Variants in SLC9C1 observed in about 807,000 individuals in gnomAD.
SLC9C1 encodes solute carrier family 9 member C1, also known as sodium/hydrogen exchanger 10.
SLC9C1 carries 97 observed loss-of-function variants against 140.9 expected under a neutral mutation model. The ratio of observed to expected loss-of-function variants is 0.69; its 90% CI spans 0.58 to 0.82. The LOEUF (loss-of-function observed/expected upper bound fraction) is 0.82. Among genes scored for constraint, SLC9C1 ranks in the 40% least tolerant of loss-of-function variants. SLC9C1 has a pLI of 0.00. For missense variants in SLC9C1, 1,340 were observed against 1,389.3 expected, an observed-to-expected ratio of 0.96 and a Z score of 0.56; for synonymous variants, 440 against 442.6, an observed-to-expected ratio of 0.99 and a Z score of 0.07.
chr3:112,277,590 C>G lies in SLC9C1; in HGVS notation c.484+105G>C, dbSNP rs112036109. 9.7e-5 allele frequency: 99 copies of G among 1,019,974 alleles called. No homozygotes were observed. The African/African-American group carries it at 1.5e-3, about 16-fold the overall frequency. The allele number at this position is 1,019,974 out of a possible 1,614,324, so 63.2% of individuals were successfully genotyped here. ...TCCTCAACCCCCAATCCCTCACTACCTGACTTCTCACAGTGAAAAGCTACC... is the reference window on the plus strand; with the variant it reads ...TCCTCAACCCCCAATCCCTCACTACGTGACTTCTCACAGTGAAAAGCTACC... On this transcript the variant is annotated intron_variant, in intron 5 of 28. Coordinates refer to ENST00000305815, the MANE Select transcript of SLC9C1 (RefSeq NM_183061.3).
At chr3:112,258,141 C>G (rs1439683988) in intron 10 of SLC9C1, among the ~76,000 whole-genome samples, 1 of 152,172 alleles carries the variant, frequency 6.6e-6, no homozygotes, top group African/African-American at 2.4e-5. Flanking sequence ...GGCAATTCTT[C>G]AAAGAGCTAA....
intron 1 of SLC9C1, among the ~76,000 whole-genome samples, chr3:112,288,042 C>CAAAAAA (rs11462109): frequency 6.1e-5 from 5 of 81,788 alleles, no homozygotes; most frequent in African/African-American, 1.5e-4. Context: ...GACTCCGTCT[C>CAAAAAA]AAAAAAAAAA....
intron 12 of SLC9C1, among the ~76,000 whole-genome samples, chr3:112,238,446 T>C (rs1043283252): frequency 6.6e-6 from 1 of 152,238 alleles, no homozygotes; most frequent in Non-Finnish European, 1.5e-5. Context: ...TGAAGCCTTC[T>C]TCTCTCAACT....
At chr3:112,229,293 CTATTG>C (rs1396693579) in intron 13 of SLC9C1, among the ~76,000 whole-genome samples, 3 of 151,986 alleles carry the variant, frequency 2.0e-5, no homozygotes, top group African/African-American at 7.2e-5. Context: ...AAACACTAAT[CTATTG>C]TATTTTTTCA....
chr3:112,159,325 TC>T (rs1182284546), intron 26 of SLC9C1, among the ~76,000 whole-genome samples: 1 of 152,042 alleles, frequency 6.6e-6, no homozygotes, highest in Non-Finnish European at 1.5e-5. Flanking sequence ...TTTCCAAAGT[TC>T]CTCCTCTGAT....
chr3:112,239,398 C>A (rs907500494), intron 12 of SLC9C1, among the ~76,000 whole-genome samples: 2 of 152,242 alleles, frequency 1.3e-5, no homozygotes, highest in African/African-American at 4.8e-5. Flanking sequence ...ACCCCTTGCG[C>A]TTCCTGCGTG....
intron 14 of SLC9C1, among the ~76,000 whole-genome samples, chr3:112,220,917 G>A (rs548806687): frequency 2.6e-5 from 4 of 152,288 alleles, no homozygotes; most frequent in East Asian, 3.9e-4. Flanking sequence ...AATCACGGAG[G>A]TAAGAATGAA....
At chr3:112,208,151 T>A (rs2078107418) in intron 16 of SLC9C1, 27 bp downstream of exon 16, 3 of 1,542,052 alleles carry the variant, frequency 1.9e-6, no homozygotes, top group Non-Finnish European at 2.6e-6. Context: ...ATATAACACT[T>A]CCATACACAC....
chr3:112,239,732 C>T, intron 12 of SLC9C1, 108 bp downstream of exon 12: 1 of 1,116,482 alleles, frequency 9.0e-7, no homozygotes, highest in Non-Finnish European at 1.2e-6. Flanking sequence ...CATGACTTCT[C>T]TATCAATTAC....
intron 12 of SLC9C1, among the ~76,000 whole-genome samples, chr3:112,237,907 A>G: frequency 6.6e-6 from 1 of 151,928 alleles, no homozygotes; most frequent in Non-Finnish European, 1.5e-5. Flanking sequence ...TTTCATTTCA[A>G]CTTCGGTGAA....
chr3:112,185,988 C>A (rs904159182), intron 20 of SLC9C1: 43 of 1,550,396 alleles, frequency 2.8e-5, no homozygotes, highest in Non-Finnish European at 3.5e-5. Flanking sequence ...GGCTGGGACC[C>A]AGGCCCCGCG....
chr3:112,261,493 A>G (rs1472128885), intron 10 of SLC9C1, among the ~76,000 whole-genome samples: 2 of 152,060 alleles, frequency 1.3e-5, no homozygotes, highest in Non-Finnish European at 2.9e-5. Flanking sequence ...CCAATATAAC[A>G]TAACTTATGA....
At chr3:112,225,186 T>G (rs1388076867) in intron 13 of SLC9C1, among the ~76,000 whole-genome samples, 1 of 152,122 alleles carries the variant, frequency 6.6e-6, no homozygotes, top group Non-Finnish European at 1.5e-5. Flanking sequence ...TCAGCATATT[T>G]CTCAGCAGAA....
chr3:112,148,654 T>TTAGG (rs1189486598), intron 28 of SLC9C1, among the ~76,000 whole-genome samples: 2 of 152,244 alleles, frequency 1.3e-5, no homozygotes, highest in African/African-American at 4.8e-5. Flanking sequence ...GCCAATGTGT[T>TTAGG]TAGGTATATA....
At chr3:112,195,270 G>T (rs1336154970) in intron 20 of SLC9C1, among the ~76,000 whole-genome samples, 1 of 152,108 alleles carries the variant, frequency 6.6e-6, no homozygotes, top group Admixed American at 6.5e-5. Context: ...TTACATAAAG[G>T]TCATGGGTCT....
intron 28 of SLC9C1, among the ~76,000 whole-genome samples, chr3:112,149,174 G>C (rs2074887741): frequency 6.6e-6 from 1 of 152,126 alleles, no homozygotes. Flanking sequence ...GGGGGGAGCA[G>C]TTGGGTCAGG....
Position 112,199,458 on chromosome 3 carries a change from A to G in SLC9C1, c.2386T>C (p.Tyr796His), listed in dbSNP as rs1375385643. 5 of 1,573,706 alleles carry G rather than the reference A, an allele frequency of 3.2e-6. No individual in the cohort carries two copies. The highest frequency in any genetic ancestry group is 8.6e-7 in the Non-Finnish European group (1 of 1,165,928). Residue 796 changes from tyrosine (Y) to histidine (H), a missense_variant, in exon 20 of 29, where the codon TAT (tyrosine) becomes CAT (histidine). Tyr to His is a moderately conservative substitution (Grantham distance 83). Coordinates refer to ENST00000305815, the MANE Select transcript of SLC9C1 (RefSeq NM_183061.3). The part of the protein sequence containing the change: ...HAIKELGYLE[Y>H]DHPEIAVTVK... ...GTGACAGCAATTTCTGGGTGATCAT[A>G]CTCTAAGTAGCCTAAAAAATAACAA...
intron 23 of SLC9C1, among the ~76,000 whole-genome samples, chr3:112,178,813 G>A (rs757025730): frequency 2.0e-5 from 3 of 152,042 alleles, no homozygotes; most frequent in Admixed American, 2.0e-4. Flanking sequence ...TTTTATTAGC[G>A]ATGGCACAAT....
At chr3:112,260,799 T>C (rs914222644) in intron 10 of SLC9C1, among the ~76,000 whole-genome samples, 1 of 152,136 alleles carries the variant, frequency 6.6e-6, no homozygotes, top group African/African-American at 2.4e-5. Flanking sequence ...GTGTGGCCTT[T>C]ACAATATCCA....
Sources: gnomAD v4.1 joint callset for allele counts (sites outside exome capture counted in the v4.1 genomes callset) on GRCh38, gnomAD v4.1.1 for gene constraint, MANE v1.5 for transcripts, NCBI Gene and HGNC (gene_info 2026-07-23, HGNC 2026-07-21) for gene names.